Variants in AGBL1 observed in about 807,000 individuals in gnomAD.
AGBL1 encodes AGBL carboxypeptidase 1.
Under a neutral mutation model 118.9 loss-of-function variants are expected in AGBL1, and 130 were observed. That is an observed-to-expected ratio of 1.09 (90% CI 0.95 to 1.26). The LOEUF is 1.26. AGBL1 is among the 50% of genes most tolerant of loss of function. AGBL1 has a pLI of 0.00. For missense variants in AGBL1, 1,584 were observed against 1,298.1 expected, an observed-to-expected ratio of 1.22 and a Z score of -3.38; for synonymous variants, 555 against 478.9, an observed-to-expected ratio of 1.16 and a Z score of -2.08.
intron 1 of AGBL1, among the ~76,000 whole-genome samples, chr15:86,094,755 C>T (rs912189630): frequency 6.6e-5 from 10 of 152,166 alleles, no homozygotes; most frequent in African/African-American, 2.2e-4. Flanking sequence ...CTGTTTGTAT[C>T]AATATAGCAC....
At chr15:86,373,822 C>T (rs1045466022) in intron 17 of AGBL1, among the ~76,000 whole-genome samples, 2 of 152,138 alleles carry the variant, frequency 1.3e-5, no homozygotes, top group African/African-American at 4.8e-5. Context: ...ACATCTGTAG[C>T]CATTTATATT....
At chr15:86,253,689 C>T (rs111995556) in intron 7 of AGBL1, among the ~76,000 whole-genome samples, 115 of 152,154 alleles carry the variant, frequency 7.6e-4, no homozygotes, top group African/African-American at 2.6e-3. Context: ...GAGACTGACC[C>T]GATACAGTTT....
chr15:86,805,309 G>A (rs1377263743), intron 22 of AGBL1, among the ~76,000 whole-genome samples: 2 of 152,022 alleles, frequency 1.3e-5, no homozygotes, highest in Admixed American at 6.6e-5. Context: ...CTGAGCAAGA[G>A]TGGTGCAAAA....
At chr15:86,594,776 A>C (rs1167098527) in intron 21 of AGBL1, among the ~76,000 whole-genome samples, 1 of 152,240 alleles carries the variant, frequency 6.6e-6, no homozygotes, top group African/African-American at 2.4e-5. Context: ...ACACCTGAAT[A>C]CTGCAGAGTA....
chr15:86,684,025 A>T (rs4243103), intron 22 of AGBL1, among the ~76,000 whole-genome samples: 132,718 of 152,106 alleles, frequency 0.87, 58,152 homozygotes, highest in Middle Eastern at 0.93. Context: ...TGGTGAGAGC[A>T]AATCTACCAG....
At chr15:86,652,816 A>G (rs914535122) in intron 21 of AGBL1, among the ~76,000 whole-genome samples, 3 of 152,150 alleles carry the variant, frequency 2.0e-5, no homozygotes, top group African/African-American at 7.2e-5. Context: ...AGCAGGGAGA[A>G]ATTTTGCCCC....
At chr15:86,776,225 T>C (rs916147589) in intron 22 of AGBL1, among the ~76,000 whole-genome samples, 1 of 152,176 alleles carries the variant, frequency 6.6e-6, no homozygotes, top group African/African-American at 2.4e-5. Context: ...TTTTCTTTAC[T>C]GAGAGACAGT....
At chr15:86,175,770 A>G (rs533545035) in intron 5 of AGBL1, among the ~76,000 whole-genome samples, 3 of 152,260 alleles carry the variant, frequency 2.0e-5, no homozygotes, top group East Asian at 3.9e-4. Context: ...GCCATTCAAG[A>G]GCATGTTGTT....
chr15:86,788,493 G>A (rs947911238), intron 22 of AGBL1, among the ~76,000 whole-genome samples: 15 of 152,126 alleles, frequency 9.9e-5, no homozygotes, highest in African/African-American at 3.4e-4. Flanking sequence ...TGGAGCCATT[G>A]ATTTCTTCAT....
chr15:86,188,883 A>G (rs926934203), intron 5 of AGBL1, among the ~76,000 whole-genome samples: 2 of 152,142 alleles, frequency 1.3e-5, no homozygotes, highest in Non-Finnish European at 2.9e-5. Context: ...AGAATGGGGG[A>G]AAAAGAGTAC....
At chr15:86,338,855 G>A (rs994887467) in intron 17 of AGBL1, among the ~76,000 whole-genome samples, 19 of 152,082 alleles carry the variant, frequency 1.2e-4, no homozygotes, top group Non-Finnish European at 2.4e-4. Flanking sequence ...CTCAATGCTA[G>A]GAGGACAGCA....
At chr15:86,958,086 T>A (rs2080950529) in intron 23 of AGBL1, among the ~76,000 whole-genome samples, 1 of 151,588 alleles carries the variant, frequency 6.6e-6, no homozygotes, top group Non-Finnish European at 1.5e-5. Context: ...ACAACTGTAG[T>A]CCCAGCTACT....
rs137893863 is a variant in AGBL1, at chr15:86,589,975, TC to T, written c.2994+35440del. ...CATATGTAGGGGCAAAGGGAAAACT[TC>T]CTTTTGCCCTCAGAGGGTTTGTTGA... On this transcript the variant is annotated intron_variant, in intron 21 of 22. Transcript: ENST00000614907. 2.0e-3 allele frequency among the ~76,000 whole-genome samples: 302 copies of T among 152,274 alleles called. 1 individual carries two copies. Among genetic ancestry groups the T allele is most frequent in the African/African-American group, 6.9e-3 (286 of 41,556 alleles).
At chr15:86,400,769 G>C (rs1049920623) in intron 18 of AGBL1, among the ~76,000 whole-genome samples, 2 of 151,866 alleles carry the variant, frequency 1.3e-5, no homozygotes, top group Admixed American at 1.3e-4. Flanking sequence ...CATCCAAGTT[G>C]CTGCAAAGGC....
intron 18 of AGBL1, among the ~76,000 whole-genome samples, chr15:86,425,400 G>C (rs940060389): frequency 6.6e-6 from 1 of 151,828 alleles, no homozygotes; most frequent in Admixed American, 6.6e-5. Context: ...GGGGTGGGGG[G>C]CTAGGGGAGG....
At chr15:86,247,173 A>G (rs1259117470) in intron 6 of AGBL1, among the ~76,000 whole-genome samples, 1 of 152,254 alleles carries the variant, frequency 6.6e-6, no homozygotes, top group African/African-American at 2.4e-5. Context: ...CAGATGCCCA[A>G]TAATGCCTTT....
At chr15:86,824,803 A>C (rs1365401491) in intron 22 of AGBL1, among the ~76,000 whole-genome samples, 1 of 152,150 alleles carries the variant, frequency 6.6e-6, no homozygotes, top group African/African-American at 2.4e-5. Context: ...TACACCTAAA[A>C]TCCCAGCACT....
downstream of AGBL1, among the ~76,000 whole-genome samples, chr15:86,917,385 A>AC (rs2080437083): frequency 6.6e-6 from 1 of 152,046 alleles, no homozygotes; most frequent in Admixed American, 6.5e-5. This position sits in a 1 kb window ranked among gnomAD's most constrained non-coding sequence, Gnocchi z 4.8. Flanking sequence ...CTTTGCACAC[A>AC]CTCAGGATTT....
chr15:86,403,981 A>AAC lies in AGBL1; in HGVS notation c.2555+6449_2555+6450dup, dbSNP rs372690296. On this transcript the variant is annotated intron_variant, in intron 18 of 22. Coordinates refer to ENST00000614907, the MANE Select transcript of AGBL1 (RefSeq NM_001386094.1). Reference sequence around the variant, plus strand: ...CATAAGAAATTGTCTAGATATTGAAAACACACACACACACATCCATGCCCA... The same window carrying AAC: ...CATAAGAAATTGTCTAGATATTGAAAACACACACACACACACATCCATGCCCA... 2.1e-4 allele frequency among the ~76,000 whole-genome samples: 32 copies of AAC among 151,972 alleles called. 1 individual carries two copies. Among genetic ancestry groups the AAC allele is most frequent in the Admixed American group, 1.2e-3 (18 of 15,256 alleles).
Sources: gnomAD v4.1 joint callset for allele counts (sites outside exome capture counted in the v4.1 genomes callset) on GRCh38, gnomAD v4.1.1 for gene constraint, Gnocchi (gnomAD v3.1) non-coding constraint, MANE v1.5 for transcripts, NCBI Gene and HGNC (gene_info 2026-07-23, HGNC 2026-07-21) for gene names.